The following TRDN variants were observed in gnomAD, a reference collection of about 807,000 sequenced individuals.
TRDN encodes the protein triadin in skeletal muscle.
A neutral mutation model predicts 149.7 loss-of-function variants in TRDN; 161 were observed. The ratio of observed to expected loss-of-function variants is 1.08; its 90% CI spans 0.95 to 1.23. TRDN has a LOEUF of 1.23. TRDN is among the 50% of genes most tolerant of loss of function. The pLI is 0.00. For synonymous variants in TRDN, 294 were observed against 250.5 expected, an observed-to-expected ratio of 1.17 and a Z score of -1.64; for missense variants, 896 against 823.5, an observed-to-expected ratio of 1.09 and a Z score of -1.08.
At chr6:123,389,690 T>G (rs963667143) in intron 13 of TRDN, among the ~76,000 whole-genome samples, 1 of 152,180 alleles carries the variant, frequency 6.6e-6, no homozygotes, top group Admixed American at 6.6e-5. Flanking sequence ...CTATTACTTT[T>G]GTAGTAGAAA....
chr6:123,529,406 T>C (rs1422962739), intron 5 of TRDN: 1 of 1,496,034 alleles, frequency 6.7e-7, no homozygotes, highest in East Asian at 2.5e-5. Context: ...AATGTTCTGA[T>C]TGTTGAAGAA....
intron 1 of TRDN, among the ~76,000 whole-genome samples, chr6:123,611,957 T>C (rs969635889): frequency 4.6e-4 from 70 of 152,056 alleles, no homozygotes; most frequent in African/African-American, 1.6e-3. Flanking sequence ...GGAAATAATA[T>C]ACAGCATATG....
Position 123,218,681 on chromosome 6 carries a change from A to T in TRDN, c.2110T>A (p.Phe704Ile), listed in dbSNP as rs780892167. ...GGGCGGTCTGCAGGAGTGAAAGGAA[A>T]CTGAAATCCATAGCCATTGTACCCA... ...LDGYNGYGFQ[F>I]PFTPADRPGE... Residue 704 changes from phenylalanine to isoleucine, a missense_variant, in exon 41 of 41, where the codon TTT becomes ATT. Phe to Ile is a conservative substitution (Grantham distance 21, BLOSUM62 0). Transcript: ENST00000334268. 3 of 1,605,480 alleles carry T rather than the reference A, an allele frequency of 1.9e-6. No individual in the cohort carries two copies. In the Admixed American group the frequency reaches 5.1e-5, roughly 27 times the overall value.
chr6:123,366,987 G>A (rs1425308511), intron 19 of TRDN, among the ~76,000 whole-genome samples: 2 of 152,170 alleles, frequency 1.3e-5, no homozygotes, highest in Non-Finnish European at 2.9e-5. Context: ...AAGATTAGCT[G>A]TAATATCATA....
chr6:123,593,281 A>T, intron 1 of TRDN, among the ~76,000 whole-genome samples: 1 of 152,238 alleles, frequency 6.6e-6, no homozygotes. Flanking sequence ...CTTTCTGAGA[A>T]ATATTCCATC....
intron 10 of TRDN, among the ~76,000 whole-genome samples, chr6:123,454,189 C>T (rs755670467): frequency 1.3e-5 from 2 of 151,848 alleles, no homozygotes; most frequent in South Asian, 2.1e-4. Context: ...GTATACTTCT[C>T]GGATGATGGG....
At position 123,496,734 on chromosome 6, in the gene TRDN, C is replaced by G. The variant is rs186559787; in HGVS notation, c.853+459G>C. Among the ~76,000 whole-genome samples, 626 of 152,042 alleles carry G rather than the reference C, an allele frequency of 4.1e-3. 2 individuals carry two copies. The highest frequency in any genetic ancestry group is 0.014 in the African/African-American group (584 of 41,522). On this transcript the variant is annotated intron_variant, in intron 9 of 40. Transcript: ENST00000334268. ...TCAATAGTTCTTTGGAGTGGCTAAA[C>G]CAAGTTCATGTATAAGGGAGAAAAT...
intron 1 of TRDN, among the ~76,000 whole-genome samples, chr6:123,612,337 C>A (rs1475203014): frequency 6.7e-6 from 1 of 149,604 alleles, no homozygotes; most frequent in Non-Finnish European, 1.5e-5. Context: ...TGCAGCACAC[C>A]AACATGGCAC....
chr6:123,452,853 A>G (rs1046567435), intron 10 of TRDN, among the ~76,000 whole-genome samples: 1 of 152,190 alleles, frequency 6.6e-6, no homozygotes, highest in Non-Finnish European at 1.5e-5. Context: ...TTCCAACTAT[A>G]CTATAAGGCC....
rs149396755 is a variant in TRDN, at chr6:123,528,006, A to G, written c.484+2500T>C. ...ATTGCCTGGTTATCATTTAAAAGGCATATTCTTTAGCTCCATAAACTGCTG... is the reference window on the plus strand; with the variant it reads ...ATTGCCTGGTTATCATTTAAAAGGCGTATTCTTTAGCTCCATAAACTGCTG... On this transcript the variant is annotated intron_variant, in intron 5 of 40. Transcript: ENST00000334268. Among the ~76,000 whole-genome samples the G allele has an allele frequency of 5.3e-3, 810 of 152,068 alleles. 8 individuals carry two copies. Among genetic ancestry groups the G allele is most frequent in the African/African-American group, 0.019 (770 of 41,548 alleles).
In TRDN at chr6:123,453,172, C is replaced by A. The variant is rs150939337; in HGVS notation, c.931+11734G>T. Among the ~76,000 whole-genome samples, 1,144 of 152,158 alleles carry A rather than the reference C, an allele frequency of 7.5e-3. 17 individuals carry two copies. The highest frequency in any genetic ancestry group is 0.025 in the African/African-American group (1,054 of 41,524). On this transcript the variant is annotated intron_variant, in intron 10 of 40. Transcript: ENST00000334268. ...TTCTAGAAGATAACATTGGAAAAACCCTTCTAGACATTCATTGCCTTAGGC... is the reference window on the plus strand; with the variant it reads ...TTCTAGAAGATAACATTGGAAAAACACTTCTAGACATTCATTGCCTTAGGC...
chr6:123,480,884 A>G (rs955900388), intron 9 of TRDN, among the ~76,000 whole-genome samples: 3 of 152,086 alleles, frequency 2.0e-5, no homozygotes, highest in Admixed American at 1.3e-4. Context: ...TCTACTAAAA[A>G]GGTTATTGAC....
intron 23 of TRDN, among the ~76,000 whole-genome samples, chr6:123,328,912 T>G (rs1399229094): frequency 1.3e-5 from 2 of 152,186 alleles, no homozygotes; most frequent in African/African-American, 2.4e-5. Flanking sequence ...GCAGCTTCTT[T>G]TTGGCTTACT....
intron 26 of TRDN, among the ~76,000 whole-genome samples, chr6:123,276,028 A>G (rs1237991716): frequency 6.6e-6 from 1 of 152,138 alleles, no homozygotes; most frequent in East Asian, 1.9e-4. Flanking sequence ...CTTACAGGGC[A>G]AAGCCAAAAG....
At chr6:123,456,718 C>T in intron 10 of TRDN, 1 of 441,872 alleles carries the variant, frequency 2.3e-6, no homozygotes, top group East Asian at 7.1e-5. Context: ...ATCCACCCAC[C>T]TTGGCCTCCC....
intron 1 of TRDN, among the ~76,000 whole-genome samples, chr6:123,608,811 G>A (rs771964282): frequency 3.3e-5 from 5 of 151,746 alleles, no homozygotes; most frequent in Non-Finnish European, 7.4e-5. Flanking sequence ...GCATTTTAAA[G>A]TTTTACAAAG....
At chr6:123,273,830 C>A (rs971474969) in intron 27 of TRDN, among the ~76,000 whole-genome samples, 1 of 151,826 alleles carries the variant, frequency 6.6e-6, no homozygotes, top group African/African-American at 2.4e-5. Context: ...TACCATAGAG[C>A]CTGAGGGTTT....
intron 7 of TRDN, among the ~76,000 whole-genome samples, chr6:123,507,736 C>G (rs1473099366): frequency 6.6e-6 from 1 of 152,054 alleles, no homozygotes; most frequent in African/African-American, 2.4e-5. Context: ...TTATTCATGA[C>G]TTTTGTCAAA....
At chr6:123,479,355 T>C (rs1777642765) in intron 9 of TRDN, among the ~76,000 whole-genome samples, 1 of 152,170 alleles carries the variant, frequency 6.6e-6, no homozygotes, top group African/African-American at 2.4e-5. Context: ...AAAAGTGAAC[T>C]AAAGCTTCAA....
Sources: allele counts gnomAD v4.1 joint callset (sites outside exome capture counted in the v4.1 genomes callset), GRCh38; gene constraint gnomAD v4.1.1; transcripts MANE v1.5; gene names NCBI Gene and HGNC (gene_info 2026-07-23, HGNC 2026-07-21).